HDAC9: variants seen among roughly 807,000 people sequenced by gnomAD.
The protein encoded by HDAC9 is histone deacetylase 9, also known as MEF-2 interacting transcription repressor (MITR) protein.
HDAC9 carries 41 observed loss-of-function variants against 139.4 expected under a neutral mutation model. The ratio of observed to expected loss-of-function variants is 0.29; its 90% confidence interval spans 0.23 to 0.38. The LOEUF (loss-of-function observed/expected upper bound fraction) is 0.38. HDAC9 is among the 10% of genes least tolerant of loss of function. The pLI, the probability that HDAC9 is intolerant of heterozygous loss-of-function variation, is 1.00. For synonymous variants in HDAC9, 517 were observed against 476.2 expected, an observed-to-expected ratio of 1.09 and a Z score of -1.12; for missense variants, 1,147 against 1,297.0, an observed-to-expected ratio of 0.88 and a Z score of 1.78.
At chr7:18,478,096 G>A (rs979098289) in intron 1 of HDAC9, among the ~76,000 whole-genome samples, 3 of 151,376 alleles carry the variant, frequency 2.0e-5, no homozygotes, top group Non-Finnish European at 4.4e-5. Context: ...TTTTGAGATG[G>A]AGTCTTGCTC....
At chr7:18,122,916 T>G (rs1239727802) in intron 1 of HDAC9, among the ~76,000 whole-genome samples, 1 of 152,188 alleles carries the variant, frequency 6.6e-6, no homozygotes, top group East Asian at 1.9e-4. Context: ...CCAGCCTGGA[T>G]CTATCATTAC....
intron 1 of HDAC9, among the ~76,000 whole-genome samples, chr7:18,120,711 G>A (rs1376485520): frequency 6.6e-6 from 1 of 152,076 alleles, no homozygotes; most frequent in African/African-American, 2.4e-5. Flanking sequence ...AAGCAGTGTG[G>A]GTGAAATACA....
intron 12 of HDAC9, among the ~76,000 whole-genome samples, chr7:18,681,862 T>A (rs1434850665): frequency 1.3e-5 from 2 of 152,014 alleles, no homozygotes; most frequent in African/African-American, 4.8e-5. Flanking sequence ...ATAGGACCTA[T>A]ACTGAATAAA....
At chr7:18,604,383 C>T (rs1834828114) in intron 6 of HDAC9, among the ~76,000 whole-genome samples, 1 of 151,352 alleles carries the variant, frequency 6.6e-6, no homozygotes, top group South Asian at 2.1e-4. Flanking sequence ...TAGCTGTGTC[C>T]AGTCTACTGA....
At chr7:18,365,951 T>TA (rs1784145065) in intron 1 of HDAC9, among the ~76,000 whole-genome samples, 1 of 130,212 alleles carries the variant, frequency 7.7e-6, no homozygotes, top group African/African-American at 3.2e-5. Context: ...TGTTTTCAGT[T>TA]GTTTTTTTTT....
chr7:18,784,943 T>TTGTGTGTGTGTGTGTGTG (rs147840943), intron 16 of HDAC9, among the ~76,000 whole-genome samples: 37 of 28,174 alleles, frequency 1.3e-3, no homozygotes, highest in African/African-American at 2.2e-3. Flanking sequence ...TAGCAATTGC[T>TTGTGTGTGTGTGTGTGTG]TGTGTGTGTG....
chr7:18,930,862 A>G (rs535043982), intron 22 of HDAC9, among the ~76,000 whole-genome samples: 1 of 152,310 alleles, frequency 6.6e-6, no homozygotes, highest in South Asian at 2.1e-4. Context: ...ACTTTTTACT[A>G]TCCCATCTAA....
chr7:18,137,317 C>G (rs1340737882), intron 1 of HDAC9, among the ~76,000 whole-genome samples: 3 of 147,818 alleles, frequency 2.0e-5, no homozygotes, highest in African/African-American at 2.6e-5. Context: ...GCCTAATTGC[C>G]CTGGCCAGAA....
chr7:18,574,297 C>T (rs143986985), intron 2 of HDAC9, among the ~76,000 whole-genome samples: 313 of 152,346 alleles, frequency 2.1e-3, no homozygotes, highest in South Asian at 5.0e-3. Context: ...GTGCAGCCCT[C>T]AGTGGAGAGG....
At chr7:18,873,276 C>T (rs1265727059) in intron 21 of HDAC9, among the ~76,000 whole-genome samples, 4 of 152,012 alleles carry the variant, frequency 2.6e-5, no homozygotes, top group Admixed American at 2.6e-4. Context: ...TCAGCCAATT[C>T]AGATTTATGT....
chr7:18,124,439 C>T (rs561191919), intron 1 of HDAC9, among the ~76,000 whole-genome samples: 2 of 152,134 alleles, frequency 1.3e-5, no homozygotes, highest in African/African-American at 2.4e-5. Context: ...TTTATTCATT[C>T]AACAAATGTT....
At chr7:18,988,265 T>C (rs1206542929) in intron 25 of HDAC9, among the ~76,000 whole-genome samples, 2 of 152,184 alleles carry the variant, frequency 1.3e-5, no homozygotes, top group African/African-American at 4.8e-5. Context: ...ATGTTGTGTC[T>C]TTGTTCTCGT....
At chr7:18,519,650 G>A (rs1270321803) in intron 2 of HDAC9, among the ~76,000 whole-genome samples, 1 of 152,048 alleles carries the variant, frequency 6.6e-6, no homozygotes, top group Non-Finnish European at 1.5e-5. Flanking sequence ...ATGTATTAGT[G>A]GAAGAGCACA....
chr7:18,101,586 T>C (rs750967205), intron 1 of HDAC9, among the ~76,000 whole-genome samples: 4 of 152,220 alleles, frequency 2.6e-5, no homozygotes, highest in Non-Finnish European at 5.9e-5. Context: ...AATGCTCAAT[T>C]TAATGTAGTT....
At position 18,711,494 on chromosome 7, in the gene HDAC9, C is replaced by G. The variant is rs151171375; in HGVS notation, c.1732-16086C>G. Among the ~76,000 whole-genome samples the G allele has an allele frequency of 3.3e-3, 507 of 152,296 alleles. 2 individuals are homozygous for G. The highest frequency in any genetic ancestry group is 0.02 in the Middle Eastern group (6 of 294). On this transcript the variant is annotated intron_variant, in intron 12 of 25. Coordinates refer to ENST00000686413, the MANE Select transcript of HDAC9 (RefSeq NM_178425.4). ...ATAGTCCTAACACCATAATCAGTGT[C>G]TCTCAGGTACTTCCGGGTCTTCCTC...
At chr7:18,124,820 C>T (rs560487789) in intron 1 of HDAC9, among the ~76,000 whole-genome samples, 2 of 152,252 alleles carry the variant, frequency 1.3e-5, no homozygotes, top group African/African-American at 2.4e-5. Flanking sequence ...AACCTCACTG[C>T]ATTTTTCTTA....
chr7:18,265,060 G>C lies in HDAC9; in HGVS notation c.25+102711G>C, dbSNP rs559483153. Among the ~76,000 whole-genome samples the C allele has an allele frequency of 2.0e-5, 3 of 152,240 alleles. No homozygotes were observed. The South Asian group carries it at 6.2e-4, about 32-fold the overall frequency. Reference sequence around the variant, plus strand: ...GTCATGGTACATTGTTAAGTTCAGAGCACATGTGTTTAGGAGTCTCAATGC... The same window carrying C: ...GTCATGGTACATTGTTAAGTTCAGACCACATGTGTTTAGGAGTCTCAATGC... On this transcript the variant is annotated intron_variant, in intron 2 of 12. Transcript: ENST00000417496.
intron 7 of HDAC9, among the ~76,000 whole-genome samples, chr7:18,630,288 AC>A (rs1011713866): frequency 1.3e-5 from 2 of 151,926 alleles, no homozygotes; most frequent in African/African-American, 4.8e-5. Flanking sequence ...GTAATCTGCA[AC>A]CCCTTTTTTT....
intron 4 of HDAC9, among the ~76,000 whole-genome samples, chr7:18,590,926 C>G (rs1830766642): frequency 6.6e-6 from 1 of 152,116 alleles, no homozygotes; most frequent in African/African-American, 2.4e-5. Context: ...ATAACACATG[C>G]AAAAGAACTA....
Sources: allele counts gnomAD v4.1 joint callset (sites outside exome capture counted in the v4.1 genomes callset), GRCh38; gene constraint gnomAD v4.1.1; transcripts MANE v1.5; gene names NCBI Gene and HGNC (gene_info 2026-07-23, HGNC 2026-07-21).